The following FAM81B variants were observed in gnomAD, a reference collection of about 807,000 sequenced individuals.
FAM81B encodes the protein family with sequence similarity 81 member B.
FAM81B carries 60 observed loss-of-function variants against 58.7 expected under a neutral mutation model. That is an observed-to-expected ratio of 1.02 (90% CI 0.83 to 1.27). The LOEUF (loss-of-function observed/expected upper bound fraction) is 1.27, where lower values mean the gene tolerates loss of function less well. Among genes scored for constraint, FAM81B ranks in the 50% most tolerant of loss-of-function variants. The pLI is 0.00. For synonymous variants in FAM81B, 189 were observed against 179.6 expected, an observed-to-expected ratio of 1.05 and a Z score of -0.42; for missense variants, 491 against 522.0, an observed-to-expected ratio of 0.94 and a Z score of 0.58.
chr5:95,437,733 A>G (rs1339108274), intron 7 of FAM81B, among the ~76,000 whole-genome samples: 2 of 151,992 alleles, frequency 1.3e-5, no homozygotes, highest in Admixed American at 1.3e-4. Context: ...AGCTCCACAA[A>G]TGTTCAAATT....
At chr5:95,394,093 C>A (rs572279172) in intron 2 of FAM81B, among the ~76,000 whole-genome samples, 1 of 152,146 alleles carries the variant, frequency 6.6e-6, no homozygotes, top group Non-Finnish European at 1.5e-5. Context: ...AGCAAAATTA[C>A]AAGCGAGAAT....
rs1211880652 is a variant in FAM81B at position 95,392,776 on chromosome 5, A to G, written c.125-18A>G. The G allele has an allele frequency of 6.3e-7, 1 of 1,594,044 alleles. No homozygotes were observed. The highest frequency in any genetic ancestry group is 2.2e-5 in the East Asian group (1 of 44,506). On this transcript the variant is annotated intron_variant, in intron 1 of 9. Transcript: ENST00000283357. ...CTTGTCATAGTTCCTGACCTGATTC[A>G]GCATTCTGGTTACCTAGATACAAAT... is the stretch of plus-strand genomic sequence containing the variant.
intron 2 of FAM81B, among the ~76,000 whole-genome samples, chr5:95,395,316 G>T (rs1315176765): frequency 6.6e-6 from 1 of 151,834 alleles, no homozygotes; most frequent in Non-Finnish European, 1.5e-5. Flanking sequence ...GGTGGCGGGC[G>T]CCTGTCGTCC....
intron 3 of FAM81B, among the ~76,000 whole-genome samples, chr5:95,413,425 A>G (rs984437953): frequency 3.9e-5 from 6 of 152,152 alleles, no homozygotes; most frequent in Admixed American, 1.3e-4. Context: ...CTTAACTATG[A>G]AATTAGAATA....
chr5:95,418,016 T>C (rs1459666197), intron 4 of FAM81B, among the ~76,000 whole-genome samples: 2 of 152,246 alleles, frequency 1.3e-5, no homozygotes, highest in Non-Finnish European at 2.9e-5. Flanking sequence ...TTTCACTTTC[T>C]GTGATTTCAA....
chr5:95,446,090 G>A (rs1268369391), intron 7 of FAM81B, among the ~76,000 whole-genome samples: 2 of 152,182 alleles, frequency 1.3e-5, no homozygotes, highest in Non-Finnish European at 2.9e-5. Flanking sequence ...CTGCAATGGA[G>A]CATTGAGTGG....
intron 3 of FAM81B, among the ~76,000 whole-genome samples, chr5:95,397,507 A>G (rs1016599583): frequency 1.2e-4 from 18 of 152,240 alleles, no homozygotes; most frequent in African/African-American, 4.3e-4. Context: ...GTCAAATTCT[A>G]TTACAAACCT....
intron 7 of FAM81B, chr5:95,439,934 C>T: frequency 7.5e-6 from 2 of 266,572 alleles, no homozygotes; most frequent in South Asian, 4.4e-5. Context: ...CAAGCAGGAT[C>T]GCTTGAACCC....
chr5:95,411,534 TAAAG>T (rs1328814407), intron 3 of FAM81B, among the ~76,000 whole-genome samples: 2 of 152,166 alleles, frequency 1.3e-5, no homozygotes, highest in Admixed American at 6.5e-5. Flanking sequence ...ACCATATTCA[TAAAG>T]AAATAAGTCA....
chr5:95,400,037 G>T (rs1762064980), intron 3 of FAM81B, among the ~76,000 whole-genome samples: 2 of 152,174 alleles, frequency 1.3e-5, no homozygotes, highest in African/African-American at 4.8e-5. Context: ...ATGCCACAGG[G>T]TAGTGGTGGG....
At chr5:95,393,167 G>C (rs1258656480) in intron 2 of FAM81B, among the ~76,000 whole-genome samples, 2 of 152,148 alleles carry the variant, frequency 1.3e-5, no homozygotes, top group Non-Finnish European at 2.9e-5. Flanking sequence ...GATTCAAAAG[G>C]AACCATGATA....
chr5:95,411,369 G>A (rs919704790), intron 3 of FAM81B, among the ~76,000 whole-genome samples: 27 of 147,240 alleles, frequency 1.8e-4, no homozygotes, highest in Non-Finnish European at 2.8e-4. Flanking sequence ...TTTATAAAAG[G>A]AGATTTATTT....
At chr5:95,411,772 A>G (rs1762410997) in intron 3 of FAM81B, among the ~76,000 whole-genome samples, 1 of 152,220 alleles carries the variant, frequency 6.6e-6, no homozygotes. Flanking sequence ...CTCTTCATTT[A>G]TTGGGGAAGT....
At chr5:95,424,192 T>C (rs1411834394) in intron 5 of FAM81B, 22 of 1,289,804 alleles carry the variant, frequency 1.7e-5, no homozygotes, top group Non-Finnish European at 2.2e-5. Flanking sequence ...CCTCTGCAGG[T>C]AGCAGAAACA....
Position 95,436,881 on chromosome 5 carries a change from C to T in FAM81B, c.868C>T (p.His290Tyr). The T allele has an allele frequency of 6.2e-7, 1 of 1,613,692 alleles. No homozygotes were observed. The highest frequency in any genetic ancestry group is 1.1e-5 in the South Asian group (1 of 91,060). The change falls in exon 7 of 10, where the codon CAC (histidine) becomes TAC (tyrosine). Residue 290 changes from histidine to tyrosine, a missense_variant. Physicochemically the swap from His to Tyr is moderately conservative, Grantham distance 83. Coordinates refer to ENST00000283357, the MANE Select transcript of FAM81B (RefSeq NM_152548.3). The part of the protein sequence containing the change: ...NLKMVQGDYR[H>Y]EMNLLEFKFH... ...AAAGATGGTCCAGGGGGATTATCGC[C>T]ACGAAATGAACCTTTTGGAATTCAA...
At chr5:95,438,181 T>C (rs1007558562) in intron 7 of FAM81B, among the ~76,000 whole-genome samples, 3 of 152,222 alleles carry the variant, frequency 2.0e-5, no homozygotes, top group African/African-American at 7.2e-5. Context: ...AGTTGTCAAG[T>C]AAACAGAAAA....
chr5:95,423,579 G>A (rs979659824), intron 5 of FAM81B, among the ~76,000 whole-genome samples: 10 of 142,908 alleles, frequency 7.0e-5, no homozygotes, highest in African/African-American at 2.3e-4. Context: ...GATAAATTTT[G>A]TTGATTTGTG....
chr5:95,406,410 A>C (rs13169613), intron 3 of FAM81B: 40,250 of 152,288 alleles, frequency 0.26, 5,538 homozygotes, highest in Middle Eastern at 0.29. Context: ...AACCAACTTC[A>C]CAGGAAGCTC....
intron 5 of FAM81B, among the ~76,000 whole-genome samples, chr5:95,425,123 T>C (rs1206616091): frequency 6.7e-6 from 1 of 149,162 alleles, no homozygotes; most frequent in Non-Finnish European, 1.5e-5. Flanking sequence ...GGAAAACTCA[T>C]CCAATATAGA....
Sources: gnomAD v4.1 joint callset for allele counts (sites outside exome capture counted in the v4.1 genomes callset) on GRCh38, gnomAD v4.1.1 for gene constraint, MANE v1.5 for transcripts, NCBI Gene and HGNC (gene_info 2026-07-23, HGNC 2026-07-21) for gene names.